Variants in EP400 observed in about 807,000 individuals in gnomAD.
The protein encoded by EP400 is E1A binding protein p400.
EP400 carries 105 observed loss-of-function variants against 354.1 expected under a neutral mutation model. The ratio of observed to expected loss-of-function variants is 0.30; its 90% CI spans 0.25 to 0.35. The LOEUF is 0.35. Ranked by LOEUF, EP400 falls within the 10% of genes least tolerant of loss-of-function variation. EP400 has a pLI of 1.00. For synonymous variants in EP400, 1,646 were observed against 1,716.9 expected (o/e 0.96, Z 1.02); for missense variants, 3,280 against 4,121.0 (o/e 0.80, Z 5.59).
intron 29 of EP400, chr12:132,031,401 T>A (rs1374797091): frequency 1.9e-6 from 1 of 518,790 alleles, no homozygotes; most frequent in Admixed American, 1.9e-5. Context: ...TTGTCACTCA[T>A]GGCTGATGTT....
chr12:132,069,392 G>C, intron 50 of EP400, 103 bp from the exon 51 acceptor site: 1 of 1,513,848 alleles, frequency 6.6e-7, no homozygotes, highest in Non-Finnish European at 8.9e-7. Context: ...AGGTAGGCTG[G>C]AAAGGGGCTG....
intron 2 of EP400, among the ~76,000 whole-genome samples, chr12:131,976,847 G>A (rs1186336578): frequency 6.6e-6 from 1 of 152,152 alleles, no homozygotes; most frequent in Non-Finnish European, 1.5e-5. Flanking sequence ...CATGGTTTAG[G>A]TGGAGGTTAG....
At chr12:131,997,641 TAAGG>T (rs1200903440) in intron 12 of EP400, among the ~76,000 whole-genome samples, 1 of 150,462 alleles carries the variant, frequency 6.6e-6, no homozygotes, top group Non-Finnish European at 1.5e-5. Context: ...TGTTAAAAAA[TAAGG>T]AAGAGAAAAT....
chr12:132,018,250 A>G lies in EP400; in HGVS notation c.4151A>G (p.Asn1384Ser), dbSNP rs1244313686. Residue 1384 changes from asparagine to serine, a missense_variant, in exon 21 of 53, where the codon AAT becomes AGT. By Grantham distance (46) the Asn-to-Ser change is conservative (BLOSUM62 1). Coordinates refer to ENST00000389561, the MANE Select transcript of EP400 (RefSeq NM_015409.5). This position sits in a 1 kb window ranked among gnomAD's most constrained non-coding sequence, Gnocchi z 4.0. ...ATGTTTGATCTCATCGGCTTAGAAA[A>G]TAAAATCACTCGTCACGAGGCAGAG... ...LSMFDLIGLENKITRHEAELL... is the reference protein window; with the variant it reads ...LSMFDLIGLESKITRHEAELL... The G allele has an allele frequency of 1.2e-6, 2 of 1,613,412 alleles. No homozygotes were observed. The highest frequency in any genetic ancestry group is 2.2e-5 in the South Asian group (2 of 90,998).
In EP400 at chr12:132,076,080, C is replaced by T. The variant is rs1365660384; in HGVS notation, c.9022-436C>T. On this transcript the variant is annotated intron_variant, in intron 51 of 52. Coordinates refer to ENST00000389561, the MANE Select transcript of EP400 (RefSeq NM_015409.5). ...AATTACCAGCCTCAAAACCTTGGTGCGTCACCGGGTTCCCCACTTCAGCTG... is the reference window on the plus strand; with the variant it reads ...AATTACCAGCCTCAAAACCTTGGTGTGTCACCGGGTTCCCCACTTCAGCTG... 4.1e-5 allele frequency: 9 copies of T among 217,216 alleles called. No individual in the cohort carries two copies. The South Asian group carries it at 4.2e-4, about 10-fold the overall frequency. The allele number at this position is 217,216 out of a possible 1,614,324, so 13.5% of individuals were successfully genotyped here.
At position 131,989,969 on chromosome 12, in the gene EP400, T is replaced by C; in HGVS notation, c.2415T>C (p.Val805=). Residue 805 remains valine (V), a synonymous_variant, in exon 8 of 53, where the codon GTT becomes GTC. Coordinates refer to ENST00000389561, the MANE Select transcript of EP400 (RefSeq NM_015409.5). ...RWKVAAAKKL[V]RTVVRHHEEK... is the part of the protein sequence containing the mutation. Reference sequence around the variant, plus strand: ...CTTGCACTTTTATTCACCAGCTCGTTAGAACTGTGGTGCGCCATCACGAGG... The same window carrying C: ...CTTGCACTTTTATTCACCAGCTCGTCAGAACTGTGGTGCGCCATCACGAGG... 6.2e-7 allele frequency: 1 copy of C among 1,613,820 alleles called. No homozygotes were observed. The highest frequency in any genetic ancestry group is 1.1e-5 in the South Asian group (1 of 91,008).
Position 132,050,766 on chromosome 12 carries a change from C to T in EP400, c.7394+111C>T. 7.3e-7 allele frequency: 1 copy of T among 1,360,628 alleles called. No homozygotes were observed. Among genetic ancestry groups the T allele is most frequent in the Non-Finnish European group, 1.0e-6 (1 of 958,402 alleles). The allele number at this position is 1,360,628 out of a possible 1,614,324, so 84.3% of individuals were successfully genotyped here. ...TTGTGCACTTAGCGTGTTCAGGCAT[C>T]AGCTGGACGTGGCAGTGCGCAGAAC... is the stretch of plus-strand genomic sequence containing the variant. On this transcript the variant is annotated intron_variant, in intron 41 of 52. Coordinates refer to ENST00000389561, the MANE Select transcript of EP400 (RefSeq NM_015409.5). The surrounding 1 kb of genome is among the most constrained non-coding windows in gnomAD (Gnocchi z 4.8).
chr12:131,992,730 A>G (rs1893081369), intron 11 of EP400, among the ~76,000 whole-genome samples: 1 of 152,210 alleles, frequency 6.6e-6, no homozygotes. Flanking sequence ...AGAAGTCCTC[A>G]GGAGCAGACT....
Position 132,032,001 on chromosome 12 carries a change from C to G in EP400, c.5803C>G (p.Leu1935Val), listed in dbSNP as rs1160709273. 4 of 1,613,674 alleles carry G rather than the reference C, an allele frequency of 2.5e-6. No individual in the cohort carries two copies. The highest frequency in any genetic ancestry group is 3.4e-6 in the Non-Finnish European group (4 of 1,179,732). ...AGACAGGCGGATTTTTTGTGCCATT[C>G]TCTCCACTCACAGCCGTACCACAGG... is the stretch of plus-strand genomic sequence containing the variant. The part of the protein sequence containing the change: ...NRDRRIFCAI[L>V]STHSRTTGIN... The change falls in exon 30 of 53, where the codon CTC (leucine) becomes GTC (valine). Residue 1935 changes from leucine (L) to valine (V), a missense_variant. Around this residue, in one of 20 missense-constraint regions of EP400, gnomAD observed 459 missense variants for 496.9 expected, o/e 0.92. Coordinates refer to ENST00000389561, the MANE Select transcript of EP400 (RefSeq NM_015409.5).
rs754232490 is a variant in EP400, at chr12:132,050,336, G to A, written c.7214G>A (p.Arg2405His). 7 of 1,613,856 alleles carry A rather than the reference G, an allele frequency of 4.3e-6. No individual in the cohort carries two copies. The highest frequency in any genetic ancestry group is 2.7e-5 in the African/African-American group (2 of 74,854). Residue 2405 changes from arginine (R) to histidine (H), a missense_variant, in exon 40 of 53, where the codon CGT becomes CAT. By Grantham distance (29) the Arg-to-His change is conservative. This residue lies in a region of EP400 where 84 missense variants were observed against 133.0 expected (regional missense o/e 0.63). Coordinates refer to ENST00000389561, the MANE Select transcript of EP400 (RefSeq NM_015409.5). This position sits in a 1 kb window ranked among gnomAD's most constrained non-coding sequence, Gnocchi z 4.8. ...PREEGKSKNNRPLRTSQIYAQ... is the reference protein window; with the variant it reads ...PREEGKSKNNHPLRTSQIYAQ... Reference sequence around the variant, plus strand: ...ATTTCATTGCAGAGTAAAAACAACCGTCCTCTCCGTACGAGCCAGATCTAT... The same window carrying A: ...ATTTCATTGCAGAGTAAAAACAACCATCCTCTCCGTACGAGCCAGATCTAT...
intron 41 of EP400, among the ~76,000 whole-genome samples, chr12:132,051,920 G>C (rs1277380435): frequency 6.6e-6 from 1 of 152,150 alleles, no homozygotes; most frequent in East Asian, 1.9e-4. Flanking sequence ...CTTCCCAGAC[G>C]CTGGCGTTAC....
At chr12:131,970,153 A>G (rs1344283726) in intron 2 of EP400, among the ~76,000 whole-genome samples, 1 of 152,240 alleles carries the variant, frequency 6.6e-6, no homozygotes, top group Non-Finnish European at 1.5e-5. Context: ...GGAATAGAAT[A>G]TATTAATGCA....
At chr12:131,996,035 C>G (rs1056195406) in intron 12 of EP400, among the ~76,000 whole-genome samples, 2 of 152,246 alleles carry the variant, frequency 1.3e-5, no homozygotes, top group Non-Finnish European at 2.9e-5. Context: ...GCTCTCTCTA[C>G]TCAGCCTGGA....
At position 132,044,195 on chromosome 12, in the gene EP400, G is replaced by T. The variant is rs1319303462; in HGVS notation, c.6469G>T (p.Val2157Leu). The change falls in exon 35 of 53, where the codon GTG (valine) becomes TTG (leucine). Residue 2157 changes from valine to leucine, a missense_variant. Physicochemically the swap from Val to Leu is conservative, Grantham distance 32. Around this residue, in one of 20 missense-constraint regions of EP400, gnomAD observed 231 missense variants for 257.9 expected, o/e 0.90. Transcript: ENST00000389561. ...CCGTCAGGACGCAGTGATGACTGCA[G>T]TGAGGGCATGGGAGTTCTGGAACCT... ...RNSEDAVMTA[V>L]RAWEFWNLKT... 1.2e-6 allele frequency: 2 copies of T among 1,614,140 alleles called. No individual in the cohort carries two copies. Among genetic ancestry groups the T allele is most frequent in the African/African-American group, 2.7e-5 (2 of 74,956 alleles).
chr12:131,981,374 T>A, intron 3 of EP400, 115 bp from the exon 4 acceptor site: 1 of 726,466 alleles, frequency 1.4e-6, no homozygotes, highest in South Asian at 1.9e-5. Flanking sequence ...GGATTTTAGT[T>A]CATGTATAGA....
rs1385771642 is a variant in EP400, at chr12:132,066,894, T to C, written c.8674T>C (p.Ser2892Pro). Residue 2892 changes from serine (S) to proline (P), a missense_variant, in exon 49 of 53, where the codon TCA becomes CCA. Coordinates refer to ENST00000389561, the MANE Select transcript of EP400 (RefSeq NM_015409.5). ...GTCCGTCCCGGCAGCTGTGGTCTCC[T>C]CACCGGGAGTCACCACCCTGCCCAT... is the stretch of plus-strand genomic sequence containing the variant. The part of the protein sequence containing the change: ...VVSVPAAVVS[S>P]PGVTTLPMNV... The C allele has an allele frequency of 1.2e-6, 2 of 1,613,192 alleles. No individual in the cohort carries two copies. Among genetic ancestry groups the C allele is most frequent in the Non-Finnish European group, 1.7e-6 (2 of 1,179,674 alleles).
intron 39 of EP400, among the ~76,000 whole-genome samples, chr12:132,048,892 C>T (rs778157152): frequency 2.0e-5 from 3 of 152,194 alleles, no homozygotes; most frequent in Non-Finnish European, 2.9e-5. Context: ...TGTTAAGAGC[C>T]TGTGCACAGA....
Position 132,079,554 on chromosome 12 carries a change from G to C in EP400, c.*1881G>C, listed in dbSNP as rs1306776876. The C allele has an allele frequency of 2.6e-5, 4 of 152,196 alleles. No individual in the cohort carries two copies. Among genetic ancestry groups the C allele is most frequent in the Admixed American group, 6.5e-5 (1 of 15,284 alleles). The allele number at this position is 152,196 out of a possible 1,614,324, so 9.4% of individuals were successfully genotyped here. A position where few individuals can be genotyped will look rare whatever the true frequency, so the allele number is the denominator to read the frequency against. Reference sequence around the variant, plus strand: ...ATTTTTTTTGTCTTTCCCAAATCTTGGTAGTCTCCTTATAGTTGAAGATAA... The same window carrying C: ...ATTTTTTTTGTCTTTCCCAAATCTTCGTAGTCTCCTTATAGTTGAAGATAA... On this transcript the variant is annotated 3_prime_UTR_variant, in exon 53 of 53. Transcript: ENST00000389561.
chr12:131,966,137 C>T (rs978285149), intron 2 of EP400, among the ~76,000 whole-genome samples: 2 of 152,040 alleles, frequency 1.3e-5, no homozygotes, highest in Non-Finnish European at 2.9e-5. Flanking sequence ...CACCTGTAAT[C>T]CCAGCACTTT....
Sources: allele counts gnomAD v4.1 joint callset (sites outside exome capture counted in the v4.1 genomes callset), GRCh38; gene constraint gnomAD v4.1.1; regional missense constraint gnomAD v4.1.1; non-coding constraint Gnocchi (gnomAD v3.1); transcripts MANE v1.5; gene names NCBI Gene and HGNC (gene_info 2026-07-23, HGNC 2026-07-21).